CNTN3: variants seen among roughly 807,000 people sequenced by gnomAD.
The protein encoded by CNTN3 is contactin-3.
A neutral mutation model predicts 119.1 loss-of-function variants in CNTN3; 60 were observed. That is an observed-to-expected ratio of 0.50 (90% confidence interval 0.41 to 0.62). The LOEUF is 0.62. Among genes scored for constraint, CNTN3 ranks in the 20% least tolerant of loss-of-function variants. The pLI is 0.00. For synonymous variants in CNTN3, 450 were observed against 438.7 expected, an observed-to-expected ratio of 1.03 and a Z score of -0.32; for missense variants, 1,101 against 1,242.4, an observed-to-expected ratio of 0.89 and a Z score of 1.71.
At chr3:74,552,746 C>A (rs191760032) in intron 1 of CNTN3, among the ~76,000 whole-genome samples, 23 of 152,144 alleles carry the variant, frequency 1.5e-4, no homozygotes, top group Non-Finnish European at 2.8e-4. Flanking sequence ...GTTTCCCCCA[C>A]GCTGTCCTTA....
chr3:74,472,767 G>A (rs1210194352), intron 4 of CNTN3, among the ~76,000 whole-genome samples: 1 of 152,124 alleles, frequency 6.6e-6, no homozygotes, highest in East Asian at 1.9e-4. Context: ...CTTGGTTTTA[G>A]ACCATCACAG....
intron 13 of CNTN3, among the ~76,000 whole-genome samples, chr3:74,306,546 G>C (rs958994382): frequency 3.3e-5 from 5 of 152,052 alleles, no homozygotes; most frequent in African/African-American, 1.2e-4. Flanking sequence ...CAAATTCATA[G>C]CTTTATTTTC....
intron 5 of CNTN3, among the ~76,000 whole-genome samples, chr3:74,400,869 T>C (rs1477621785): frequency 6.6e-6 from 1 of 152,182 alleles, no homozygotes; most frequent in African/African-American, 2.4e-5. Context: ...TAAGGATTGA[T>C]TTGCACACCA....
At chr3:74,321,272 AAAT>A (rs1161072566) in intron 13 of CNTN3, among the ~76,000 whole-genome samples, 2 of 152,228 alleles carry the variant, frequency 1.3e-5, no homozygotes, top group African/African-American at 4.8e-5. Flanking sequence ...ACTGATCCTA[AAAT>A]AATACTTAAA....
At chr3:74,546,114 G>A (rs1183392299) in intron 1 of CNTN3, among the ~76,000 whole-genome samples, 2 of 152,000 alleles carry the variant, frequency 1.3e-5, no homozygotes, top group Non-Finnish European at 2.9e-5. Flanking sequence ...TCCTGCCTCA[G>A]CCTTCCGAGT....
rs534627170 is a variant in CNTN3, at chr3:74,505,834, C to T, written c.56-6049G>A. ...TAAAAGAAAAAGTGCTAGAGTATAG[C>T]ATGCAGCTGGAGTATGATAGCAAAA... On this transcript the variant is annotated intron_variant, in intron 2 of 22. Transcript: ENST00000263665. Among the ~76,000 whole-genome samples the T allele has an allele frequency of 2.0e-5, 3 of 152,236 alleles. No homozygotes were observed. In the East Asian group the frequency reaches 5.8e-4, roughly 29 times the overall value.
chr3:74,475,090 G>T (rs1702631178), intron 4 of CNTN3, among the ~76,000 whole-genome samples: 1 of 152,064 alleles, frequency 6.6e-6, no homozygotes, highest in Non-Finnish European at 1.5e-5. Flanking sequence ...TTTCTTTATA[G>T]CAATGTGAGA....
At chr3:74,498,981 C>T (rs1018739024) in intron 3 of CNTN3, among the ~76,000 whole-genome samples, 1 of 151,754 alleles carries the variant, frequency 6.6e-6, no homozygotes, top group South Asian at 2.1e-4. Context: ...TTTAATAATA[C>T]AAATACCCAT....
At chr3:74,435,068 C>T (rs1701843973) in intron 4 of CNTN3, among the ~76,000 whole-genome samples, 1 of 152,206 alleles carries the variant, frequency 6.6e-6, no homozygotes. Context: ...TACATTTGCT[C>T]AATACATTAA....
intron 1 of CNTN3, among the ~76,000 whole-genome samples, chr3:74,531,709 C>T (rs1559648003): frequency 6.6e-6 from 1 of 152,088 alleles, no homozygotes; most frequent in East Asian, 1.9e-4. Context: ...AAGGAACATT[C>T]TGAGAGTCCC....
chr3:74,607,197 A>G (rs1418548258), intron 1 of CNTN3, among the ~76,000 whole-genome samples: 1 of 152,166 alleles, frequency 6.6e-6, no homozygotes, highest in Non-Finnish European at 1.5e-5. Flanking sequence ...ACTTTGGTAC[A>G]AATATGCCTT....
chr3:74,310,342 C>T (rs1162619101), intron 13 of CNTN3, among the ~76,000 whole-genome samples: 1 of 152,154 alleles, frequency 6.6e-6, no homozygotes, highest in East Asian at 1.9e-4. Context: ...TTACCCCAAA[C>T]CTTAGTGGAT....
chr3:74,376,720 T>A (rs772627751), intron 5 of CNTN3, among the ~76,000 whole-genome samples: 5 of 151,986 alleles, frequency 3.3e-5, no homozygotes, highest in Admixed American at 2.6e-4. Flanking sequence ...TGGAAAAAAA[T>A]TCATCCACAA....
At chr3:74,345,781 T>C (rs1451496125) in intron 11 of CNTN3, among the ~76,000 whole-genome samples, 1 of 152,256 alleles carries the variant, frequency 6.6e-6, no homozygotes, top group African/African-American at 2.4e-5. Context: ...TGCTGTGGAT[T>C]GTTAATTCAC....
chr3:74,526,243 G>A (rs572976736), intron 1 of CNTN3, among the ~76,000 whole-genome samples: 12 of 151,202 alleles, frequency 7.9e-5, no homozygotes, highest in African/African-American at 2.2e-4. Context: ...GCAGCTTACC[G>A]ACATTTATTA....
At chr3:74,446,356 C>G (rs1702048215) in intron 4 of CNTN3, among the ~76,000 whole-genome samples, 1 of 152,124 alleles carries the variant, frequency 6.6e-6, no homozygotes, top group South Asian at 2.1e-4. Context: ...TGCAGATAGG[C>G]AAGTCTTTAG....
intron 4 of CNTN3, among the ~76,000 whole-genome samples, chr3:74,484,743 C>G (rs1702821766): frequency 6.6e-6 from 1 of 152,032 alleles, no homozygotes; most frequent in East Asian, 1.9e-4. Context: ...TTAGCCTGGC[C>G]ACCTTCCTCT....
chr3:74,526,953 G>T (rs1287059670), intron 1 of CNTN3, among the ~76,000 whole-genome samples: 1 of 151,778 alleles, frequency 6.6e-6, no homozygotes, highest in Non-Finnish European at 1.5e-5. Flanking sequence ...CCAAAACTAT[G>T]AATGCATCTA....
intron 4 of CNTN3, among the ~76,000 whole-genome samples, chr3:74,477,390 G>A (rs1296594407): frequency 1.3e-5 from 2 of 152,106 alleles, no homozygotes. Flanking sequence ...AAGAGGAAAA[G>A]AGATGAAAAA....
Sources: gnomAD v4.1 joint callset for allele counts (sites outside exome capture counted in the v4.1 genomes callset) on GRCh38, gnomAD v4.1.1 for gene constraint, MANE v1.5 for transcripts, NCBI Gene and HGNC (gene_info 2026-07-23, HGNC 2026-07-21) for gene names.